Variants in MACROD2 observed in about 807,000 individuals in gnomAD.
MACROD2 encodes ADP-ribose glycohydrolase MACROD2.
Under a neutral mutation model 70.4 loss-of-function variants are expected in MACROD2, and 36 were observed. The observed-to-expected ratio is 0.51, with a 90% confidence interval of 0.39 to 0.68. MACROD2 has a LOEUF of 0.68. MACROD2 is among the 30% of genes least tolerant of loss of function. MACROD2 has a pLI of 0.00. For synonymous variants in MACROD2, 172 were observed against 178.8 expected (o/e 0.96, Z 0.30); for missense variants, 496 against 538.4 (o/e 0.92, Z 0.78).
chr20:14,889,764 C>T (rs1208638428), intron 5 of MACROD2, among the ~76,000 whole-genome samples: 2 of 152,156 alleles, frequency 1.3e-5, no homozygotes, highest in African/African-American at 4.8e-5. Flanking sequence ...AGCTGTAAGA[C>T]ATCTGGGTTT....
intron 5 of MACROD2, among the ~76,000 whole-genome samples, chr20:14,879,240 C>T (rs1382968713): frequency 6.6e-6 from 1 of 152,102 alleles, no homozygotes; most frequent in Non-Finnish European, 1.5e-5. Context: ...CATTCTGATT[C>T]ATGTTTACAT....
rs185686960 is a variant in MACROD2 at position 15,982,963 on chromosome 20, C to T, written c.986-3764C>T. ...ATAGGCCACTGGCCTTGGCCAGGGC[C>T]TTACAGTCTGGGTTAAAACTTCAAC... is the stretch of plus-strand genomic sequence containing the variant. On this transcript the variant is annotated intron_variant, in intron 13 of 17. Coordinates refer to ENST00000684519, the MANE Select transcript of MACROD2 (RefSeq NM_001351661.2). Among the ~76,000 whole-genome samples, 419 of 152,320 alleles carry T rather than the reference C, an allele frequency of 2.8e-3. 1 individual carries two copies. Among genetic ancestry groups the T allele is most frequent in the Non-Finnish European group, 4.2e-3 (288 of 68,038 alleles).
intron 4 of MACROD2, among the ~76,000 whole-genome samples, chr20:14,504,612 C>G (rs1476387802): frequency 6.6e-6 from 1 of 152,158 alleles, no homozygotes; most frequent in African/African-American, 2.4e-5. Context: ...TTCTCATCCT[C>G]TGGAAATAGC....
At chr20:15,469,644 G>C (rs1423539376) in intron 7 of MACROD2, among the ~76,000 whole-genome samples, 1 of 152,182 alleles carries the variant, frequency 6.6e-6, no homozygotes, top group African/African-American at 2.4e-5. Context: ...AAGGGGCCTT[G>C]GGCCTGGGCG....
chr20:15,375,248 T>C (rs1050046679), intron 6 of MACROD2, among the ~76,000 whole-genome samples: 7 of 152,184 alleles, frequency 4.6e-5, no homozygotes, highest in African/African-American at 1.7e-4. Context: ...CATAATAAAG[T>C]CATGTGGATT....
At position 14,527,562 on chromosome 20, in the gene MACROD2, G is replaced by A. The variant is rs1445811064; in HGVS notation, c.301+34054G>A. Among the ~76,000 whole-genome samples, 6 of 152,154 alleles carry A rather than the reference G, an allele frequency of 3.9e-5. No homozygotes were observed. The South Asian group carries it at 8.3e-4, about 21-fold the overall frequency. On this transcript the variant is annotated intron_variant, in intron 4 of 17. Transcript: ENST00000684519. ...AACCACAAATAAAAGATGCATCAAC[G>A]AATTATACTGACATTATAGGAAGAT...
At chr20:14,911,189 G>A (rs1438132944) in intron 5 of MACROD2, among the ~76,000 whole-genome samples, 1 of 152,146 alleles carries the variant, frequency 6.6e-6, no homozygotes, top group East Asian at 1.9e-4. Flanking sequence ...CCTATTGAAT[G>A]AGAGTCCGTA....
intron 3 of MACROD2, among the ~76,000 whole-genome samples, chr20:14,168,658 C>G (rs143984989): frequency 6.6e-6 from 1 of 152,110 alleles, no homozygotes; most frequent in East Asian, 1.9e-4. Flanking sequence ...TGTTATGTAT[C>G]CACTACAGTA....
chr20:14,779,070 T>C (rs901813771), intron 5 of MACROD2, among the ~76,000 whole-genome samples: 1 of 151,994 alleles, frequency 6.6e-6, no homozygotes, highest in African/African-American at 2.4e-5. Context: ...CAACCAAAAA[T>C]GTGTGAGTCA....
intron 5 of MACROD2, among the ~76,000 whole-genome samples, chr20:15,050,836 G>A (rs2075434200): frequency 6.6e-6 from 1 of 151,836 alleles, no homozygotes; most frequent in African/African-American, 2.4e-5. Flanking sequence ...AAGGTTGAAT[G>A]CATAATTATT....
At chr20:14,288,926 G>T (rs991774476) in intron 3 of MACROD2, among the ~76,000 whole-genome samples, 1 of 152,030 alleles carries the variant, frequency 6.6e-6, no homozygotes, top group African/African-American at 2.4e-5. Context: ...AGGAGAAACA[G>T]ACTTTACCTG....
intron 5 of MACROD2, among the ~76,000 whole-genome samples, chr20:15,042,184 GT>G (rs1223742839): frequency 6.6e-6 from 1 of 152,152 alleles, no homozygotes; most frequent in Non-Finnish European, 1.5e-5. Flanking sequence ...AATTCTGTAG[GT>G]TATTTTCATA....
At chr20:15,694,905 G>A (rs1033131554) in intron 8 of MACROD2, among the ~76,000 whole-genome samples, 1 of 152,182 alleles carries the variant, frequency 6.6e-6, no homozygotes, top group African/African-American at 2.4e-5. Flanking sequence ...TAAGGTGAGA[G>A]ATGAGGATCC....
intron 8 of MACROD2, among the ~76,000 whole-genome samples, chr20:15,638,079 A>G (rs2049397644): frequency 6.6e-6 from 1 of 152,138 alleles, no homozygotes; most frequent in South Asian, 2.1e-4. Context: ...ATGTGTTCTA[A>G]CTGAGCTCCC....
At chr20:15,253,340 T>C (rs1010493615) in intron 6 of MACROD2, among the ~76,000 whole-genome samples, 24 of 152,196 alleles carry the variant, frequency 1.6e-4, no homozygotes, top group Admixed American at 1.6e-3. Flanking sequence ...ATCTGGCCTT[T>C]TACAAAGTTT....
At chr20:15,331,313 T>C (rs571003216) in intron 6 of MACROD2, among the ~76,000 whole-genome samples, 2 of 151,864 alleles carry the variant, frequency 1.3e-5, no homozygotes, top group East Asian at 3.9e-4. Context: ...TTATCTTTAA[T>C]TTTTAAACTT....
At chr20:14,812,262 T>G (rs2072723626) in intron 5 of MACROD2, among the ~76,000 whole-genome samples, 1 of 151,750 alleles carries the variant, frequency 6.6e-6, no homozygotes, top group Admixed American at 6.6e-5. Context: ...AAAGAATGAG[T>G]TCATGTGGGG....
intron 8 of MACROD2, among the ~76,000 whole-genome samples, chr20:15,546,810 G>C (rs1793567141): frequency 6.6e-6 from 1 of 152,162 alleles, no homozygotes; most frequent in Non-Finnish European, 1.5e-5. Flanking sequence ...CGTGACGCTT[G>C]ACATCTGATT....
At chr20:14,767,576 T>G (rs2123763920) in intron 5 of MACROD2, among the ~76,000 whole-genome samples, 1 of 152,186 alleles carries the variant, frequency 6.6e-6, no homozygotes, top group East Asian at 1.9e-4. Context: ...TCAGTCTTAC[T>G]GAGCCTCAGT....
Sources: allele counts gnomAD v4.1 joint callset (sites outside exome capture counted in the v4.1 genomes callset), GRCh38; gene constraint gnomAD v4.1.1; transcripts MANE v1.5; gene names NCBI Gene and HGNC (gene_info 2026-07-23, HGNC 2026-07-21).